The following FERRY3 variants were observed in gnomAD, a reference collection of about 807,000 sequenced individuals.
FERRY3 encodes FERRY endosomal RAB5 effector complex subunit 3, also known as protein C12orf4.
At chr12:4,511,153 A>C in the FERRY3 span, among the ~76,000 whole-genome samples, 80 of 151,492 alleles carry the variant, frequency 5.3e-4, no homozygotes, top group Middle Eastern at 6.8e-3. Flanking sequence ...AGGCCATTAC[A>C]TAATGGTAAA....
the FERRY3 span, among the ~76,000 whole-genome samples, chr12:4,534,684 T>C: frequency 6.6e-6 from 1 of 152,184 alleles, no homozygotes; most frequent in African/African-American, 2.4e-5. Flanking sequence ...ATTACAGGTG[T>C]GAGCCACCTT....
the FERRY3 span, among the ~76,000 whole-genome samples, chr12:4,524,416 T>A: frequency 6.6e-6 from 1 of 151,870 alleles, no homozygotes; most frequent in Non-Finnish European, 1.5e-5. Context: ...CAATAACCTA[T>A]CCATCTGTCC....
chr12:4,509,278 A>T, the FERRY3 span: 1 of 163,884 alleles, frequency 6.1e-6, no homozygotes, highest in Non-Finnish European at 1.3e-5. Flanking sequence ...TTGCTAGCAC[A>T]GCAGTCTGAG....
the FERRY3 span, chr12:4,530,184 A>AT: frequency 1.4e-6 from 1 of 737,250 alleles, no homozygotes; most frequent in South Asian, 2.0e-5. Flanking sequence ...ATGTGTGTGT[A>AT]AATATATGTG....
chr12:4,531,907 T>A, the FERRY3 span, among the ~76,000 whole-genome samples: 1 of 152,010 alleles, frequency 6.6e-6, no homozygotes, highest in Non-Finnish European at 1.5e-5. Flanking sequence ...AACTCTACAA[T>A]CTTTACTGTG....
At chr12:4,527,141 A>G in the FERRY3 span, among the ~76,000 whole-genome samples, 2 of 152,152 alleles carry the variant, frequency 1.3e-5, no homozygotes, top group Admixed American at 6.5e-5. Flanking sequence ...ACTATTTTAC[A>G]TTACACATGT....
chr12:4,504,309 G>A, the FERRY3 span, among the ~76,000 whole-genome samples: 1 of 152,184 alleles, frequency 6.6e-6, no homozygotes, highest in Admixed American at 6.5e-5. Context: ...AAACCATCAA[G>A]AGATGGCTAT....
At chr12:4,488,097 A>G in the FERRY3 span, 2 of 152,132 alleles carry the variant, frequency 1.3e-5, no homozygotes, top group Non-Finnish European at 2.9e-5. The surrounding 1 kb of genome is among the most constrained non-coding windows in gnomAD (Gnocchi z 4.9). Context: ...CAATTTTACT[A>G]CTTCTGTAAC....
At chr12:4,527,208 G>T in the FERRY3 span, among the ~76,000 whole-genome samples, 76 of 152,074 alleles carry the variant, frequency 5.0e-4, no homozygotes, top group African/African-American at 1.5e-3. Flanking sequence ...GAAATATCTA[G>T]AATCTGGTTT....
At chr12:4,518,369 T>G in the FERRY3 span, 1 of 908,198 alleles carries the variant, frequency 1.1e-6, no homozygotes, top group Non-Finnish European at 1.7e-6. Flanking sequence ...ACAAAATAAT[T>G]AAAAATGGGC....
At chr12:4,520,681 G>A in the FERRY3 span, among the ~76,000 whole-genome samples, 11 of 152,122 alleles carry the variant, frequency 7.2e-5, no homozygotes, top group East Asian at 1.9e-4. Context: ...TACATTGCTC[G>A]GGTGATGGAT....
the FERRY3 span, chr12:4,491,289 A>G: frequency 1.9e-5 from 28 of 1,486,870 alleles, no homozygotes; most frequent in Non-Finnish European, 2.4e-5. Flanking sequence ...TGTATAAAAA[A>G]TAAAGTCAGA....
At chr12:4,529,769 T>G in the FERRY3 span, 1 of 1,039,216 alleles carries the variant, frequency 9.6e-7, no homozygotes, top group Non-Finnish European at 1.4e-6. Context: ...TTTTTTTTTC[T>G]ATCTTATCCT....
chr12:4,505,406 A>G, the FERRY3 span: 4 of 1,473,370 alleles, frequency 2.7e-6, no homozygotes, highest in African/African-American at 1.4e-5. Flanking sequence ...TGCAATATGA[A>G]AGAACATAAC....
At chr12:4,522,429 G>C in the FERRY3 span, among the ~76,000 whole-genome samples, 20 of 152,288 alleles carry the variant, frequency 1.3e-4, no homozygotes, top group African/African-American at 4.8e-4. Context: ...ATGAAAAAAT[G>C]TTAACATAAT....
the FERRY3 span, among the ~76,000 whole-genome samples, chr12:4,512,944 T>C: frequency 0.083 from 3,412 of 41,324 alleles, 152 homozygotes; most frequent in Non-Finnish European, 0.1. Context: ...AAAGAGGAAG[T>C]CAAATTGTCC....
At chr12:4,530,100 T>G in the FERRY3 span, 2 of 1,517,244 alleles carry the variant, frequency 1.3e-6, no homozygotes, top group Non-Finnish European at 1.8e-6. Flanking sequence ...GTATTTTTAT[T>G]TAACACACTA....
chr12:4,489,606 TA>T, the FERRY3 span: 1 of 381,198 alleles, frequency 2.6e-6, no homozygotes, highest in African/African-American at 2.1e-5. Flanking sequence ...AAAGAGACTT[TA>T]AGTGTTTAAG....
At chr12:4,515,685 A>G in the FERRY3 span, among the ~76,000 whole-genome samples, 1 of 152,164 alleles carries the variant, frequency 6.6e-6, no homozygotes, top group East Asian at 1.9e-4. Flanking sequence ...GTCAAGGGGT[A>G]CAAAGTTTCA....
Sources: gnomAD v4.1 joint callset for allele counts (sites outside exome capture counted in the v4.1 genomes callset) on GRCh38, gnomAD v4.1.1 for gene constraint, Gnocchi (gnomAD v3.1) non-coding constraint, MANE v1.5 for transcripts, NCBI Gene and HGNC (gene_info 2026-07-23, HGNC 2026-07-21) for gene names.